CDH18: variants seen among roughly 807,000 people sequenced by gnomAD.
CDH18 encodes cadherin-18.
CDH18 carries 31 observed loss-of-function variants against 67.9 expected under a neutral mutation model. The ratio of observed to expected loss-of-function variants is 0.46; its 90% confidence interval spans 0.34 to 0.62. The LOEUF (loss-of-function observed/expected upper bound fraction) is 0.62. CDH18 is among the 20% of genes least tolerant of loss of function. The probability of loss-of-function intolerance (pLI) is 0.01; values close to 1 mark genes in which losing one functional copy is unlikely to be tolerated. For synonymous variants in CDH18, 362 were observed against 347.2 expected (o/e 1.04, Z -0.48); for missense variants, 890 against 975.5 (o/e 0.91, Z 1.17).
chr5:20,042,819 G>A (rs565527092), intron 2 of CDH18, among the ~76,000 whole-genome samples: 2 of 152,000 alleles, frequency 1.3e-5, no homozygotes, highest in Admixed American at 6.6e-5. Context: ...AAAATTAGCC[G>A]GGCGTGCTGG....
At chr5:20,408,977 A>G (rs1478156038) in intron 1 of CDH18, among the ~76,000 whole-genome samples, 3 of 151,908 alleles carry the variant, frequency 2.0e-5, no homozygotes, top group African/African-American at 7.2e-5. Context: ...GCAAGAGACA[A>G]AGAAGGACAT....
At chr5:19,598,614 GA>G (rs1468432295) in intron 6 of CDH18, among the ~76,000 whole-genome samples, 1 of 151,906 alleles carries the variant, frequency 6.6e-6, no homozygotes, top group East Asian at 1.9e-4. Context: ...AATAAGAAAT[GA>G]AAAAACTAAA....
chr5:19,765,948 C>T (rs557254487), intron 3 of CDH18, among the ~76,000 whole-genome samples: 236 of 151,614 alleles, frequency 1.6e-3, no homozygotes, highest in Non-Finnish European at 2.0e-3. Flanking sequence ...GACATGAACT[C>T]GGCTCACTGC....
At position 19,792,560 on chromosome 5, in the gene CDH18, C is replaced by T. The variant is rs559120239; in HGVS notation, c.229-45324G>A. ...GTAAATCTCCTCTTACCTACCTATC[C>T]ATCTTTCTATCTATCTATCTGTTGA... On this transcript the variant is annotated intron_variant, in intron 3 of 12. Transcript: ENST00000382275. Among the ~76,000 whole-genome samples the T allele has an allele frequency of 2.6e-5, 4 of 152,234 alleles. No homozygotes were observed. In the South Asian group the frequency reaches 8.3e-4, roughly 32 times the overall value.
intron 2 of CDH18, among the ~76,000 whole-genome samples, chr5:19,873,949 A>T (rs545519868): frequency 3.7e-4 from 57 of 152,100 alleles, no homozygotes; most frequent in African/African-American, 1.4e-3. Flanking sequence ...TGCCTGGCCA[A>T]AAAAAATCAT....
intron 2 of CDH18, among the ~76,000 whole-genome samples, chr5:19,960,693 G>C (rs1181290433): frequency 7.9e-6 from 1 of 126,682 alleles, no homozygotes; most frequent in East Asian, 2.1e-4. Context: ...ACATATACAC[G>C]TGTATATATG....
At chr5:20,451,089 T>C (rs2150207061) in intron 1 of CDH18, among the ~76,000 whole-genome samples, 1 of 152,288 alleles carries the variant, frequency 6.6e-6, no homozygotes, top group Admixed American at 6.5e-5. Flanking sequence ...AAGTTGAGAC[T>C]TGGGTGGGGA....
At chr5:20,032,897 T>G (rs1330237381) in intron 2 of CDH18, among the ~76,000 whole-genome samples, 1 of 152,020 alleles carries the variant, frequency 6.6e-6, no homozygotes, top group African/African-American at 2.4e-5. Flanking sequence ...CTGTGAAAGA[T>G]TCAGGGTTCA....
chr5:19,835,981 A>T (rs955691249), intron 3 of CDH18, among the ~76,000 whole-genome samples: 1 of 152,098 alleles, frequency 6.6e-6, no homozygotes, highest in African/African-American at 2.4e-5. Flanking sequence ...TGTTCATTCA[A>T]TTCCAGAAAG....
chr5:20,553,192 G>A (rs1757731315), intron 1 of CDH18, among the ~76,000 whole-genome samples: 1 of 152,182 alleles, frequency 6.6e-6, no homozygotes, highest in African/African-American at 2.4e-5. Flanking sequence ...TCTGTGGAAA[G>A]ATTCCAATTC....
intron 1 of CDH18, among the ~76,000 whole-genome samples, chr5:20,466,279 T>C (rs58182868): frequency 0.083 from 12,607 of 152,002 alleles, 1,662 homozygotes; most frequent in African/African-American, 0.28. Flanking sequence ...TTCCTTGTAA[T>C]TACTGAAAGT....
At chr5:19,641,490 A>G (rs991999244) in intron 5 of CDH18, among the ~76,000 whole-genome samples, 6 of 152,054 alleles carry the variant, frequency 3.9e-5, no homozygotes, top group Admixed American at 6.6e-5. Context: ...AGGGTCATAC[A>G]CCATGACCAC....
chr5:20,254,936 TA>T (rs2126609838), intron 2 of CDH18, among the ~76,000 whole-genome samples: 2 of 151,810 alleles, frequency 1.3e-5, no homozygotes, highest in East Asian at 1.9e-4. Context: ...TATGCAGCCA[TA>T]AAAAAGGAAT....
chr5:19,857,249 TAAA>T (rs5866402), intron 2 of CDH18, among the ~76,000 whole-genome samples: 8 of 139,404 alleles, frequency 5.7e-5, no homozygotes, highest in Admixed American at 2.1e-4. Flanking sequence ...AAACGAATAC[TAAA>T]AAAAAAAAAA....
At position 19,846,326 on chromosome 5, in the gene CDH18, A is replaced by T. The variant is rs567261740; in HGVS notation, c.-256-7084T>A. Among the ~76,000 whole-genome samples, 6 of 152,114 alleles carry T rather than the reference A, an allele frequency of 3.9e-5. No homozygotes were observed. The South Asian group carries it at 8.3e-4, about 21-fold the overall frequency. ...CACACTAACATGCTTTATGTTACTGATGTCACAAATACATTTTTATGTTGT... is the reference window on the plus strand; with the variant it reads ...CACACTAACATGCTTTATGTTACTGTTGTCACAAATACATTTTTATGTTGT... On this transcript the variant is annotated intron_variant, in intron 2 of 12. Transcript: ENST00000382275.
intron 3 of CDH18, among the ~76,000 whole-genome samples, chr5:19,811,082 GA>G (rs1285759063): frequency 1.4e-4 from 2 of 14,232 alleles, no homozygotes; most frequent in African/African-American, 7.2e-4. Flanking sequence ...AAGAGAAAAA[GA>G]AAGAAAGAAA....
intron 4 of CDH18, among the ~76,000 whole-genome samples, chr5:19,723,013 C>T (rs1766312820): frequency 6.6e-6 from 1 of 152,020 alleles, no homozygotes; most frequent in Non-Finnish European, 1.5e-5. Context: ...AGGGGATCAC[C>T]TGAGGTCAGG....
chr5:19,559,331 C>T (rs1054588728), intron 8 of CDH18, among the ~76,000 whole-genome samples: 7 of 152,076 alleles, frequency 4.6e-5, no homozygotes, highest in Non-Finnish European at 8.8e-5. Context: ...CCACCATGAT[C>T]GAGTAGGTTT....
At chr5:19,828,011 A>G (rs538958257) in intron 3 of CDH18, among the ~76,000 whole-genome samples, 119 of 152,306 alleles carry the variant, frequency 7.8e-4, no homozygotes, top group Non-Finnish European at 1.5e-3. Flanking sequence ...AAAGATCCAT[A>G]TAAACACAAT....
Sources: allele counts gnomAD v4.1 joint callset (sites outside exome capture counted in the v4.1 genomes callset), GRCh38; gene constraint gnomAD v4.1.1; transcripts MANE v1.5; gene names NCBI Gene and HGNC (gene_info 2026-07-23, HGNC 2026-07-21).